The following ARHGAP15 variants were observed in gnomAD, a reference collection of about 807,000 sequenced individuals.
The protein encoded by ARHGAP15 is Rho GTPase activating protein 15.
ARHGAP15 carries 51 observed loss-of-function variants against 63.7 expected under a neutral mutation model. The observed-to-expected ratio is 0.80, with a 90% CI of 0.64 to 1.01. ARHGAP15 has a LOEUF of 1.01. Among genes scored for constraint, ARHGAP15 ranks in the 50% least tolerant of loss-of-function variants. The probability of loss-of-function intolerance (pLI) is 0.00; values close to 1 mark genes in which losing one functional copy is unlikely to be tolerated. For synonymous variants in ARHGAP15, 191 were observed against 193.8 expected (o/e 0.99, Z 0.12); for missense variants, 560 against 564.6 (o/e 0.99, Z 0.08).
intron 6 of ARHGAP15, among the ~76,000 whole-genome samples, chr2:143,423,760 C>T (rs1441676773): frequency 6.6e-6 from 1 of 151,974 alleles, no homozygotes; most frequent in Non-Finnish European, 1.5e-5. Context: ...TAAGTATGTA[C>T]CAGGTATTAT....
At chr2:143,452,674 T>TTG (rs1360010168) in intron 8 of ARHGAP15, among the ~76,000 whole-genome samples, 10 of 136,492 alleles carry the variant, frequency 7.3e-5, no homozygotes, top group Non-Finnish European at 1.7e-4. Context: ...TTTTTTTTTT[T>TTG]GTCTCAATGC....
intron 1 of ARHGAP15, among the ~76,000 whole-genome samples, chr2:143,142,312 A>G (rs937934575): frequency 6.6e-6 from 1 of 152,112 alleles, no homozygotes; most frequent in African/African-American, 2.4e-5. Context: ...ATATGCAATA[A>G]ATCCCAATAA....
intron 6 of ARHGAP15, among the ~76,000 whole-genome samples, chr2:143,413,966 T>TGTGTGTGTGTGTGCGCGCACGCGCGCGC: frequency 2.5e-5 from 3 of 117,910 alleles, no homozygotes; most frequent in African/African-American, 1.1e-4. Context: ...TGTGTGTGTG[T>TGTGTGTGTGTGTGCGCGCACGCGCGCGC]GCGCGCTCTC....
chr2:143,363,837 A>G (rs1357810069), intron 6 of ARHGAP15, among the ~76,000 whole-genome samples: 1 of 152,174 alleles, frequency 6.6e-6, no homozygotes, highest in Non-Finnish European at 1.5e-5. Context: ...AGTATTCCCA[A>G]CACCTAGAAC....
chr2:143,376,180 A>G (rs769011618), intron 6 of ARHGAP15, among the ~76,000 whole-genome samples: 1 of 152,244 alleles, frequency 6.6e-6, no homozygotes, highest in Non-Finnish European at 1.5e-5. Flanking sequence ...GGAGAAATGA[A>G]CTAAGCCATT....
At chr2:143,531,682 G>C (rs1321158861) in intron 10 of ARHGAP15, among the ~76,000 whole-genome samples, 3 of 152,070 alleles carry the variant, frequency 2.0e-5, no homozygotes, top group Non-Finnish European at 4.4e-5. Context: ...ACTCTTTGAA[G>C]GTGTGGATAT....
intron 6 of ARHGAP15, among the ~76,000 whole-genome samples, chr2:143,381,916 A>T (rs1040277736): frequency 2.6e-5 from 4 of 152,122 alleles, no homozygotes; most frequent in African/African-American, 7.2e-5. Flanking sequence ...CAAATCAGGC[A>T]ATCTATCCTT....
At chr2:143,435,436 C>T (rs145867468) in intron 6 of ARHGAP15, 165 bp from the exon 7 acceptor site, 199 of 1,215,374 alleles carry the variant, frequency 1.6e-4, no homozygotes, top group African/African-American at 1.3e-4. Flanking sequence ...TTATAGAGAG[C>T]GGTTCAAAAT....
intron 6 of ARHGAP15, among the ~76,000 whole-genome samples, chr2:143,279,328 C>T (rs984179186): frequency 2.0e-5 from 3 of 152,084 alleles, no homozygotes; most frequent in Non-Finnish European, 4.4e-5. Context: ...TCAAGTATTG[C>T]GTCTGATGAT....
chr2:143,436,846 A>T, intron 7 of ARHGAP15, 67 bp from the exon 8 acceptor site: 1 of 1,554,708 alleles, frequency 6.4e-7, no homozygotes, highest in Non-Finnish European at 8.7e-7. Context: ...AAAATTGAAC[A>T]CAAAATTCTA....
At chr2:143,435,426 T>C in intron 6 of ARHGAP15, 175 bp from the exon 7 acceptor site, 1 of 1,230,472 alleles carries the variant, frequency 8.1e-7, no homozygotes, top group Non-Finnish European at 1.1e-6. Flanking sequence ...GAAAAACAGT[T>C]TATAGAGAGC....
chr2:143,142,318 A>T (rs1338527445), intron 1 of ARHGAP15, among the ~76,000 whole-genome samples: 1 of 152,102 alleles, frequency 6.6e-6, no homozygotes, highest in African/African-American at 2.4e-5. Context: ...AATAAATCCC[A>T]ATAAATGTTT....
At chr2:143,410,535 C>T (rs1688397566) in intron 6 of ARHGAP15, among the ~76,000 whole-genome samples, 1 of 152,244 alleles carries the variant, frequency 6.6e-6, no homozygotes, top group South Asian at 2.1e-4. Flanking sequence ...TAGTTGAGCG[C>T]CTACTTTGCA....
chr2:143,421,575 C>G (rs1011981586), intron 6 of ARHGAP15, among the ~76,000 whole-genome samples: 3 of 151,700 alleles, frequency 2.0e-5, no homozygotes, highest in Non-Finnish European at 4.4e-5. Context: ...ATTCTGTGAT[C>G]CTTTAGTGGG....
At chr2:143,720,875 C>G (rs1685022323) in intron 13 of ARHGAP15, among the ~76,000 whole-genome samples, 1 of 151,978 alleles carries the variant, frequency 6.6e-6, no homozygotes. Flanking sequence ...CAAGACCATC[C>G]TGGCTAACAC....
chr2:143,425,974 A>G (rs1051047598), intron 6 of ARHGAP15, among the ~76,000 whole-genome samples: 1 of 152,196 alleles, frequency 6.6e-6, no homozygotes, highest in African/African-American at 2.4e-5. Flanking sequence ...TCCCCAAAGT[A>G]TATAACTTGA....
At chr2:143,637,420 A>G (rs990195899) in intron 12 of ARHGAP15, among the ~76,000 whole-genome samples, 2 of 152,010 alleles carry the variant, frequency 1.3e-5, no homozygotes, top group Non-Finnish European at 2.9e-5. Flanking sequence ...TCCATGCTGA[A>G]ATGTGCACAC....
intron 8 of ARHGAP15, among the ~76,000 whole-genome samples, chr2:143,451,145 G>C (rs1246274927): frequency 6.6e-6 from 1 of 151,778 alleles, no homozygotes; most frequent in African/African-American, 2.4e-5. Flanking sequence ...TATTAATTCA[G>C]CAGGGACGGA....
intron 6 of ARHGAP15, among the ~76,000 whole-genome samples, chr2:143,339,579 T>G (rs1353330116): frequency 6.6e-6 from 1 of 152,132 alleles, no homozygotes; most frequent in East Asian, 1.9e-4. Context: ...CTGGAATTAC[T>G]CTATTGGCAG....
Sources: gnomAD v4.1 joint callset for allele counts (sites outside exome capture counted in the v4.1 genomes callset) on GRCh38, gnomAD v4.1.1 for gene constraint, MANE v1.5 for transcripts, NCBI Gene and HGNC (gene_info 2026-07-23, HGNC 2026-07-21) for gene names.